The following NUP42 variants were observed in gnomAD, a reference collection of about 807,000 sequenced individuals.
The protein encoded by NUP42 is nucleoporin 42, also known as nucleoporin NUP42.
Under a neutral mutation model 35.9 loss-of-function variants are expected in NUP42, and 47 were observed. That is an observed-to-expected ratio of 1.31 (90% CI 1.04 to 1.67). The LOEUF (loss-of-function observed/expected upper bound fraction) is 1.67, where lower values mean the gene tolerates loss of function less well. Ranked by LOEUF, NUP42 falls within the 40% of genes most tolerant of loss-of-function variation. The pLI, the probability that NUP42 is intolerant of heterozygous loss-of-function variation, is 0.00. For synonymous variants in NUP42, 173 were observed against 173.3 expected (o/e 1.00, Z 0.01); for missense variants, 514 against 492.2 (o/e 1.04, Z -0.42).
chr7:23,196,632 CTT>C, intron 4 of NUP42, 46 bp from the exon 5 acceptor site: 1 of 1,317,438 alleles, frequency 7.6e-7, no homozygotes, highest in South Asian at 1.2e-5. Flanking sequence ...AAGAAACTAA[CTT>C]AAACATACAA....
intron 2 of NUP42, among the ~76,000 whole-genome samples, chr7:23,186,283 G>A (rs1171923929): frequency 6.6e-6 from 1 of 152,174 alleles, no homozygotes; most frequent in Non-Finnish European, 1.5e-5. Flanking sequence ...ATCAGAACCA[G>A]TTGTAGACAT....
At chr7:23,186,337 T>C (rs1785595297) in intron 2 of NUP42, among the ~76,000 whole-genome samples, 2 of 152,178 alleles carry the variant, frequency 1.3e-5, no homozygotes, top group African/African-American at 4.8e-5. Context: ...TTTAAGTAAA[T>C]GAGCAAACAA....
intron 4 of NUP42, 152 bp downstream of exon 4, chr7:23,196,067 A>G (rs1326232816): frequency 2.6e-6 from 1 of 387,088 alleles, no homozygotes; most frequent in East Asian, 3.9e-5. Flanking sequence ...TTTTCATTGA[A>G]TTTGGTTGGT....
At chr7:23,195,305 T>A (rs1195022366) in intron 3 of NUP42, 1 of 152,354 alleles carries the variant, frequency 6.6e-6, no homozygotes, top group Non-Finnish European at 1.5e-5. Flanking sequence ...TAAAGCATTT[T>A]ATCTCTATTT....
rs1785445688 is a variant in NUP42 at position 23,182,553 on chromosome 7, T to G, written c.121+347T>G. 1.2e-5 allele frequency: 12 copies of G among 1,009,274 alleles called. No individual in the cohort carries two copies. The South Asian group carries it at 4.0e-4, about 33-fold the overall frequency. The allele number at this position is 1,009,274 out of a possible 1,614,324, so 62.5% of individuals were successfully genotyped here. ...TTTTTCGAGGGTGAGGCTAGCAGCT[T>G]GGGTCAGAATCAGGACTTCATTTTG... On this transcript the variant is annotated intron_variant, in intron 1 of 6. Coordinates refer to ENST00000258742, the MANE Select transcript of NUP42 (RefSeq NM_007342.3).
At chr7:23,196,617 T>A in intron 4 of NUP42, 63 bp from the exon 5 acceptor site, 1 of 1,199,868 alleles carries the variant, frequency 8.3e-7, no homozygotes, top group African/African-American at 1.5e-5. Context: ...GTGAAGTTTT[T>A]ATTGAAGAAA....
chr7:23,199,676 C>A (rs1786142597), intron 6 of NUP42, 134 bp downstream of exon 6: 1 of 733,120 alleles, frequency 1.4e-6, no homozygotes, highest in Non-Finnish European at 2.3e-6. Flanking sequence ...AGCCTCAAAG[C>A]ATTTGACTCA....
intron 3 of NUP42, among the ~76,000 whole-genome samples, chr7:23,188,925 A>C (rs999499602): frequency 1.3e-5 from 2 of 152,254 alleles, no homozygotes. Flanking sequence ...CAATAAAAAA[A>C]TGTTTAATGC....
At chr7:23,198,648 A>C (rs1786101511) in intron 5 of NUP42, among the ~76,000 whole-genome samples, 3 of 152,252 alleles carry the variant, frequency 2.0e-5, no homozygotes, top group Admixed American at 2.0e-4. Context: ...GAGATGAAAG[A>C]CATTTCTAGA....
Position 23,199,550 on chromosome 7 carries a change from A to G in NUP42, c.694+8A>G. 1 of 1,607,522 alleles carries G rather than the reference A, an allele frequency of 6.2e-7. No homozygotes were observed. The highest frequency in any genetic ancestry group is 2.2e-5 in the East Asian group (1 of 44,854). On this transcript the variant is annotated splice_region_variant and intron_variant, in intron 6 of 6. Transcript: ENST00000258742. Reference sequence around the variant, plus strand: ...CAACATTTATGTCGCCAGGTAAGTGATAAAGTAATGCAGGACTTCACTGAT... The same window carrying G: ...CAACATTTATGTCGCCAGGTAAGTGGTAAAGTAATGCAGGACTTCACTGAT...
intron 3 of NUP42, among the ~76,000 whole-genome samples, chr7:23,190,729 C>G (rs1480951037): frequency 6.6e-6 from 1 of 151,868 alleles, no homozygotes; most frequent in Non-Finnish European, 1.5e-5. Flanking sequence ...AAGTCCTTGC[C>G]CATACATATG....
At chr7:23,199,943 G>A (rs939062923) in intron 6 of NUP42, among the ~76,000 whole-genome samples, 2 of 152,138 alleles carry the variant, frequency 1.3e-5, no homozygotes, top group Admixed American at 6.5e-5. Flanking sequence ...GGTGAAGGTC[G>A]ATCAAGGTGA....
chr7:23,183,785 A>G (rs1785498482), intron 1 of NUP42, among the ~76,000 whole-genome samples: 1 of 148,888 alleles, frequency 6.7e-6, no homozygotes, highest in Non-Finnish European at 1.5e-5. Flanking sequence ...AAAAGGAGGA[A>G]GTGAGTTTCT....
intron 6 of NUP42, among the ~76,000 whole-genome samples, 166 bp from the exon 7 acceptor site, chr7:23,200,002 T>C (rs894918206): frequency 6.6e-6 from 1 of 152,148 alleles, no homozygotes; most frequent in African/African-American, 2.4e-5. Flanking sequence ...TAGTGGGTAG[T>C]TCTAGCCTCT....
rs369615940 is a variant in NUP42, at chr7:23,199,444, CT to C, written c.610-4del. ...CATCAAGCACTTTATTATTTGCACA[CT>C]TTTTTTTTTCAGCTCTCTGATGTAA... is the stretch of plus-strand genomic sequence containing the variant. On this transcript the variant is annotated splice_polypyrimidine_tract_variant and intron_variant, in intron 5 of 6. Coordinates refer to ENST00000258742, the MANE Select transcript of NUP42 (RefSeq NM_007342.3). The C allele has an allele frequency of 8.0e-4, 1,144 of 1,437,948 alleles. No homozygotes were observed. The highest frequency in any genetic ancestry group is 8.8e-4 in the Non-Finnish European group (917 of 1,044,258). 89.1% of individuals were successfully genotyped at this position (1,437,948 alleles called of 1,614,324 possible).
intron 3 of NUP42, chr7:23,188,728 A>G (rs191697540): frequency 4.3e-5 from 10 of 232,628 alleles, no homozygotes; most frequent in Non-Finnish European, 7.1e-5. Context: ...AAGTCTGGCA[A>G]CTTTATCCCT....
chr7:23,183,787 T>A (rs1304477095), intron 1 of NUP42, among the ~76,000 whole-genome samples: 33 of 140,926 alleles, frequency 2.3e-4, no homozygotes, highest in African/African-American at 8.4e-4. Context: ...AAGGAGGAAG[T>A]GAGTTTCTTC....
chr7:23,186,489 G>T (rs1785601367), intron 2 of NUP42, among the ~76,000 whole-genome samples: 1 of 152,140 alleles, frequency 6.6e-6, no homozygotes, highest in Admixed American at 6.5e-5. Flanking sequence ...CAGATTAGTT[G>T]TATGGATGTG....
chr7:23,184,311 T>A (rs139534204), intron 1 of NUP42, among the ~76,000 whole-genome samples: 2 of 152,190 alleles, frequency 1.3e-5, no homozygotes, highest in African/African-American at 2.4e-5. Context: ...ATCTTTCATA[T>A]TCGAGAAACT....
Sources: allele counts gnomAD v4.1 joint callset (sites outside exome capture counted in the v4.1 genomes callset), GRCh38; gene constraint gnomAD v4.1.1; transcripts MANE v1.5; gene names NCBI Gene and HGNC (gene_info 2026-07-23, HGNC 2026-07-21).